Variants in TOM1L1 observed in about 807,000 individuals in gnomAD.
TOM1L1 encodes the protein TOM1-like protein 1.
In TOM1L1, 64 loss-of-function variants were observed where a neutral mutation model predicts 63.4. The observed-to-expected ratio is 1.01, with a 90% CI of 0.83 to 1.24. The LOEUF (loss-of-function observed/expected upper bound fraction) is 1.24. Among genes scored for constraint, TOM1L1 ranks in the 50% most tolerant of loss-of-function variants. The pLI is 0.00. For synonymous variants in TOM1L1, 166 were observed against 194.4 expected, an observed-to-expected ratio of 0.85 and a Z score of 1.22; for missense variants, 536 against 567.0, an observed-to-expected ratio of 0.95 and a Z score of 0.55.
intron 6 of TOM1L1, 105 bp downstream of exon 6, chr17:54,914,848 C>T: frequency 1.1e-6 from 1 of 885,114 alleles, no homozygotes; most frequent in Non-Finnish European, 1.9e-6. Context: ...TGTAGGTACA[C>T]TCATTTCACA....
chr17:54,953,743 A>G (rs2049351005), intron 14 of TOM1L1: 1 of 152,114 alleles, frequency 6.6e-6, no homozygotes, highest in Non-Finnish European at 1.5e-5. Flanking sequence ...CAGATGCCAC[A>G]TCTCTTTACT....
At chr17:54,910,380 G>A (rs1436947057) in intron 3 of TOM1L1, among the ~76,000 whole-genome samples, 2 of 152,142 alleles carry the variant, frequency 1.3e-5, no homozygotes, top group Admixed American at 6.5e-5. Context: ...CACCTGAACC[G>A]GAGAGGCAGA....
intron 8 of TOM1L1, among the ~76,000 whole-genome samples, chr17:54,932,536 T>G (rs1319211756): frequency 6.6e-6 from 1 of 152,142 alleles, no homozygotes; most frequent in African/African-American, 2.4e-5. Context: ...TCTCCTCCCT[T>G]AAGCCTCCCA....
intron 11 of TOM1L1, among the ~76,000 whole-genome samples, chr17:54,946,675 C>T (rs1157002483): frequency 1.3e-5 from 2 of 152,158 alleles, no homozygotes; most frequent in African/African-American, 4.8e-5. Context: ...GAACCCTTCT[C>T]CTAGAGCTCT....
At chr17:54,949,450 G>T in intron 12 of TOM1L1, 68 bp from the exon 13 acceptor site, 1 of 1,115,662 alleles carries the variant, frequency 9.0e-7, no homozygotes, top group South Asian at 1.3e-5. Context: ...GCAAGTGTAG[G>T]AGTCTCAGTA....
rs190812181 is a variant in TOM1L1, at chr17:54,903,598, G to A, written c.59-110G>A. Reference sequence around the variant, plus strand: ...CCAAAAAAAATCACTTTGCCCTTTGGCAATGTAAACTTAATGACACTTGCT... The same window carrying A: ...CCAAAAAAAATCACTTTGCCCTTTGACAATGTAAACTTAATGACACTTGCT... On this transcript the variant is annotated intron_variant, in intron 1 of 15. Coordinates refer to ENST00000575882, the MANE Select transcript of TOM1L1 (RefSeq NM_005486.3). 4.2e-6 allele frequency: 4 copies of A among 956,466 alleles called. No individual in the cohort carries two copies. In the Admixed American group the frequency reaches 8.5e-5, roughly 20 times the overall value. The allele number at this position is 956,466 out of a possible 1,614,324, so 59.2% of individuals were successfully genotyped here. A position where few individuals can be genotyped will look rare whatever the true frequency, so the allele number is the denominator to read the frequency against.
intron 3 of TOM1L1, among the ~76,000 whole-genome samples, chr17:54,911,710 A>T (rs9913784): frequency 0.28 from 42,152 of 152,116 alleles, 5,934 homozygotes; most frequent in Non-Finnish European, 0.3. Flanking sequence ...CATGCCTGAA[A>T]TAGTGCATTG....
At chr17:54,945,923 T>A (rs767921300) in intron 11 of TOM1L1, among the ~76,000 whole-genome samples, 1 of 152,230 alleles carries the variant, frequency 6.6e-6, no homozygotes, top group Non-Finnish European at 1.5e-5. Context: ...GTTCTTCATA[T>A]GCCTCATAAT....
chr17:54,950,451 A>C (rs953541339), intron 14 of TOM1L1, among the ~76,000 whole-genome samples: 3 of 152,218 alleles, frequency 2.0e-5, no homozygotes, highest in African/African-American at 7.2e-5. Context: ...GATTGGTGAC[A>C]TAAGTTTATG....
intron 14 of TOM1L1, among the ~76,000 whole-genome samples, chr17:54,958,696 C>T (rs895088914): frequency 7.5e-6 from 1 of 132,570 alleles, no homozygotes; most frequent in African/African-American, 2.8e-5. Flanking sequence ...CACTATTGCA[C>T]TCTAGCGTGG....
intron 3 of TOM1L1, chr17:54,906,778 G>A: frequency 1.0e-6 from 1 of 985,498 alleles, no homozygotes; most frequent in African/African-American, 1.7e-5. Context: ...GACCTCTTCA[G>A]TCACGTTGGT....
chr17:54,907,603 T>G (rs1382711873), intron 3 of TOM1L1, among the ~76,000 whole-genome samples: 1 of 152,098 alleles, frequency 6.6e-6, no homozygotes, highest in African/African-American at 2.4e-5. Flanking sequence ...CACCCCACCC[T>G]CATACACACA....
intron 2 of TOM1L1, 108 bp downstream of exon 2, chr17:54,903,900 A>G (rs2048367329): frequency 5.3e-6 from 5 of 937,168 alleles, no homozygotes; most frequent in Admixed American, 4.6e-5. Context: ...GAGTGTTTTC[A>G]TCATTCATTA....
At chr17:54,914,592 G>T in intron 5 of TOM1L1, 47 bp from the exon 6 acceptor site, 1 of 1,508,682 alleles carries the variant, frequency 6.6e-7, no homozygotes. Flanking sequence ...GGCGTTGGGT[G>T]GCTATGTTAA....
At chr17:54,944,954 C>A (rs2049093558) in intron 11 of TOM1L1, among the ~76,000 whole-genome samples, 12 of 152,110 alleles carry the variant, frequency 7.9e-5, no homozygotes, top group Admixed American at 7.9e-4. Context: ...TGACTGCAAA[C>A]TGGGTGGTTT....
rs1459711747 is a variant in TOM1L1 at position 54,939,103 on chromosome 17, G to C, written c.1130+83G>C. ...TAAGAAAACCTGATGGCTGGGCGCA[G>C]TGACTTACATCTGTAATCCTAGCAC... On this transcript the variant is annotated intron_variant, in intron 11 of 15. Transcript: ENST00000575882. 3.1e-6 allele frequency: 3 copies of C among 959,404 alleles called. No homozygotes were observed. The African/African-American group carries it at 5.0e-5, about 16-fold the overall frequency. The allele number at this position is 959,404 out of a possible 1,614,324, so 59.4% of individuals were successfully genotyped here.
At chr17:54,937,001 C>G in intron 9 of TOM1L1, 108 bp from the exon 10 acceptor site, 1 of 944,554 alleles carries the variant, frequency 1.1e-6, no homozygotes, top group Non-Finnish European at 1.7e-6. Context: ...GAGAATTCTT[C>G]CTTAAAATGC....
In TOM1L1 at chr17:54,961,315, G is replaced by A; in HGVS notation, c.*82G>A. 6.4e-7 allele frequency: 1 copy of A among 1,551,556 alleles called. No homozygotes were observed. The highest frequency in any genetic ancestry group is 1.7e-4 in the Middle Eastern group (1 of 5,992). ...TAGACTCTGTGCAGCTTTGAAGCCT[G>A]GAAGACAATACCTACCAACATGTCA... On this transcript the variant is annotated 3_prime_UTR_variant, in exon 16 of 16. Transcript: ENST00000575882.
At chr17:54,915,447 T>G (rs1358265012) in intron 6 of TOM1L1, among the ~76,000 whole-genome samples, 1 of 152,174 alleles carries the variant, frequency 6.6e-6, no homozygotes, top group Non-Finnish European at 1.5e-5. Flanking sequence ...TTCTGCTAGG[T>G]ACCTGGTACT....
Sources: gnomAD v4.1 joint callset for allele counts (sites outside exome capture counted in the v4.1 genomes callset) on GRCh38, gnomAD v4.1.1 for gene constraint, MANE v1.5 for transcripts, NCBI Gene and HGNC (gene_info 2026-07-23, HGNC 2026-07-21) for gene names.